The following POLK variants were observed in gnomAD, a reference collection of about 807,000 sequenced individuals.
The protein encoded by POLK is DNA polymerase kappa, also known as polymerase (DNA directed) kappa.
POLK carries 76 observed loss-of-function variants against 94.0 expected under a neutral mutation model. The observed-to-expected ratio is 0.81, with a 90% CI of 0.67 to 0.98. The LOEUF (loss-of-function observed/expected upper bound fraction) is 0.98, where lower values mean the gene tolerates loss of function less well. POLK is among the 50% of genes least tolerant of loss of function. The pLI, the probability that POLK is intolerant of heterozygous loss-of-function variation, is 0.00. For missense variants in POLK, 954 were observed against 1,010.1 expected (o/e 0.94, Z 0.75); for synonymous variants, 349 against 325.4 (o/e 1.07, Z -0.78).
At chr5:75,547,129 T>C (rs756683294) in exon 2 of POLK, 3 of 1,545,396 alleles carry the variant, frequency 1.9e-6, no homozygotes, top group Admixed American at 3.5e-5. Flanking sequence ...AAAGAGAAAA[T>C]TAACAAAATT....
At chr5:75,573,900 T>G in intron 5 of POLK, 31 bp downstream of exon 5, 1 of 1,608,394 alleles carries the variant, frequency 6.2e-7, no homozygotes. Flanking sequence ...TACTTTAGGC[T>G]TTCACTGAGT....
intron 12 of POLK, among the ~76,000 whole-genome samples, chr5:75,594,976 C>T (rs568456736): frequency 1.0e-3 from 155 of 152,204 alleles, no homozygotes; most frequent in African/African-American, 3.5e-3. Flanking sequence ...CCAGGCTGGG[C>T]GCGGTGGCTC....
intron 1 of POLK, among the ~76,000 whole-genome samples, chr5:75,531,289 C>T (rs1376574354): frequency 2.0e-5 from 3 of 148,896 alleles, no homozygotes. Context: ...TGTTTATATA[C>T]TATGTATAAA....
Position 75,552,474 on chromosome 5 carries a change from G to T in POLK, c.138G>T (p.Gly46=), listed in dbSNP as rs754178227. ...CTTTGTTTTGTTTTCCTCCATAGGG[G>T]TCCAGATTTTATGGAAATGAGCTCA... Residue 46 remains glycine, a splice_region_variant and synonymous_variant, in exon 3 of 15, where the codon GGG becomes GGT. Coordinates refer to ENST00000241436, the Ensembl canonical transcript of POLK. 3.7e-6 allele frequency: 6 copies of T among 1,610,548 alleles called. No individual in the cohort carries two copies. In the African/African-American group the frequency reaches 6.7e-5, roughly 18 times the overall value.
At chr5:75,544,414 G>C (rs976255763) in intron 1 of POLK, among the ~76,000 whole-genome samples, 1 of 152,032 alleles carries the variant, frequency 6.6e-6, no homozygotes, top group Non-Finnish European at 1.5e-5. Context: ...TGGGAGGCTG[G>C]GACAGATGGA....
intron 10 of POLK, 25 bp downstream of exon 10, chr5:75,587,083 A>C: frequency 8.1e-7 from 1 of 1,232,432 alleles, no homozygotes; most frequent in Non-Finnish European, 1.2e-6. Flanking sequence ...TTTATTGTTA[A>C]TTGTGCATAA....
chr5:75,594,073 T>C, intron 12 of POLK, 24 bp downstream of exon 12: 1 of 1,529,430 alleles, frequency 6.5e-7, no homozygotes, highest in Non-Finnish European at 8.8e-7. Context: ...ATTTTTTTGT[T>C]TTTCCTTAAA....
intron 9 of POLK, among the ~76,000 whole-genome samples, chr5:75,585,649 G>T (rs564793037): frequency 6.6e-6 from 1 of 152,194 alleles, no homozygotes; most frequent in African/African-American, 2.4e-5. Flanking sequence ...TTTCATCTAG[G>T]TCTTAAAAAG....
Position 75,594,065 on chromosome 5 carries a change from T to C in POLK, c.1528+16T>C, listed in dbSNP as rs776531014. The C allele has an allele frequency of 3.9e-6, 6 of 1,543,558 alleles. No homozygotes were observed. The highest frequency in any genetic ancestry group is 5.3e-6 in the Non-Finnish European group (6 of 1,142,840). ...AGGCTTATGGGTATGACTTTTTCATTTTTTTGTTTTTCCTTAAATCTGCTA... is the reference window on the plus strand; with the variant it reads ...AGGCTTATGGGTATGACTTTTTCATCTTTTTGTTTTTCCTTAAATCTGCTA... On this transcript the variant is annotated intron_variant, in intron 12 of 14. Transcript: ENST00000241436.
chr5:75,593,987 AG>A lies in POLK; in HGVS notation c.1468del (p.Glu490AsnfsTer3), dbSNP rs1305044011. On this transcript the variant is annotated frameshift_variant, in exon 12 of 15. Transcript: ENST00000241436. LOFTEE classifies it high-confidence loss of function. ...GCAGAAGAAATATTTGCCATTGCTA[AG>A]GAATTGCTAAAAACAGAAATTGATG... 1 of 1,612,334 alleles carries A rather than the reference AG, an allele frequency of 6.2e-7. No homozygotes were observed. The highest frequency in any genetic ancestry group is 1.7e-5 in the Admixed American group (1 of 60,018).
At chr5:75,557,401 T>TATA (rs1345730186) in intron 3 of POLK, among the ~76,000 whole-genome samples, 1 of 152,144 alleles carries the variant, frequency 6.6e-6, no homozygotes, top group Admixed American at 6.5e-5. Flanking sequence ...TTGCATTGAG[T>TATA]GTATAGATGA....
intron 2 of POLK, among the ~76,000 whole-genome samples, chr5:75,550,589 A>T (rs1023994671): frequency 2.0e-5 from 3 of 151,984 alleles, no homozygotes; most frequent in African/African-American, 7.3e-5. Flanking sequence ...AGAAAAAGAT[A>T]AAAAAAAGAG....
chr5:75,527,551 GTGTATATA>G (rs1768931133), intron 1 of POLK, among the ~76,000 whole-genome samples: 1 of 150,120 alleles, frequency 6.7e-6, no homozygotes, highest in African/African-American at 2.5e-5. Flanking sequence ...AAGTACGTGT[GTGTATATA>G]TGTATATATA....
intron 3 of POLK, chr5:75,568,784 C>A (rs1771422063): frequency 7.5e-6 from 2 of 266,354 alleles, no homozygotes; most frequent in Non-Finnish European, 1.5e-5. Context: ...CATCATATGC[C>A]AAAGAGGTAC....
chr5:75,522,163 A>G (rs1768619832), intron 1 of POLK, among the ~76,000 whole-genome samples: 1 of 152,252 alleles, frequency 6.6e-6, no homozygotes, highest in African/African-American at 2.4e-5. Flanking sequence ...CAGGACCCCA[A>G]GATGGTGGGG....
At chr5:75,606,551 G>A in the POLK span, among the ~76,000 whole-genome samples, 1 of 130,182 alleles carries the variant, frequency 7.7e-6, no homozygotes, top group Non-Finnish European at 1.6e-5. Context: ...GAGTGGTGAT[G>A]ACTCTTAAGG....
At chr5:75,595,831 A>G (rs976636249) in intron 12 of POLK, among the ~76,000 whole-genome samples, 3 of 152,140 alleles carry the variant, frequency 2.0e-5, no homozygotes, top group Non-Finnish European at 2.9e-5. Context: ...GTGTAGGGAA[A>G]GGGGATCTTT....
chr5:75,561,678 G>A (rs1052706470), intron 3 of POLK, among the ~76,000 whole-genome samples: 35 of 151,982 alleles, frequency 2.3e-4, no homozygotes, highest in African/African-American at 8.0e-4. Context: ...TGAGTTAATT[G>A]TTGTATAAGG....
chr5:75,522,092 G>A (rs1768614696), intron 1 of POLK, among the ~76,000 whole-genome samples: 1 of 152,214 alleles, frequency 6.6e-6, no homozygotes, highest in Non-Finnish European at 1.5e-5. Flanking sequence ...CCTCAGGGCT[G>A]TTTCTCCCTT....
Sources: allele counts gnomAD v4.1 joint callset (sites outside exome capture counted in the v4.1 genomes callset), GRCh38; gene constraint gnomAD v4.1.1; transcripts MANE v1.5; gene names NCBI Gene and HGNC (gene_info 2026-07-23, HGNC 2026-07-21).